ZFHX3: variants seen among roughly 807,000 people sequenced by gnomAD.
The protein encoded by ZFHX3 is zinc finger homeobox protein 3.
Under a neutral mutation model 279.1 loss-of-function variants are expected in ZFHX3, and 42 were observed. That is an observed-to-expected ratio of 0.15 (90% confidence interval 0.12 to 0.19). The LOEUF is 0.19. ZFHX3 is among the 10% of genes least tolerant of loss of function. The probability of loss-of-function intolerance (pLI) is 1.00; values close to 1 mark genes in which losing one functional copy is unlikely to be tolerated. For missense variants in ZFHX3, 4,981 were observed against 4,754.0 expected, an observed-to-expected ratio of 1.05 and a Z score of -1.40; for synonymous variants, 2,293 against 1,957.8, an observed-to-expected ratio of 1.17 and a Z score of -4.52.
At chr16:73,357,486 GAGA>G (rs1387910483) in intron 3 of ZFHX3, among the ~76,000 whole-genome samples, 1 of 152,146 alleles carries the variant, frequency 6.6e-6, no homozygotes, top group Non-Finnish European at 1.5e-5. Flanking sequence ...AGAATTGAGA[GAGA>G]GGACAGAGAC....
chr16:73,464,694 C>G (rs2018533367), intron 2 of ZFHX3, among the ~76,000 whole-genome samples: 1 of 152,246 alleles, frequency 6.6e-6, no homozygotes, highest in East Asian at 1.9e-4. Flanking sequence ...CTGCTTTGAT[C>G]TGAAGAATTA....
At position 72,795,304 on chromosome 16, in the gene ZFHX3, G is replaced by A. The variant is rs1157760345; in HGVS notation, c.7378C>T (p.Pro2460Ser). ...PKPELQQQEQ[P>S]EQKTNTPQQK... ...TGGGGAGTGTTGGTCTTCTGCTCGG[G>A]CTGCTCTTGCTGCTGCAGCTCTGGC... Residue 2460 changes from proline (P) to serine (S), a missense_variant, in exon 9 of 10, where the codon CCC (proline) becomes TCC (serine). By Grantham distance (74) the Pro-to-Ser change is moderately conservative. This residue lies in a region of ZFHX3 where 744 missense variants were observed against 701.3 expected (regional missense o/e 1.06). Transcript: ENST00000268489. 1 of 1,613,950 alleles carries A rather than the reference G, an allele frequency of 6.2e-7. No homozygotes were observed.
At chr16:73,404,573 T>A (rs539332474) in intron 3 of ZFHX3, among the ~76,000 whole-genome samples, 47 of 152,324 alleles carry the variant, frequency 3.1e-4, no homozygotes, top group Non-Finnish European at 6.0e-4. Context: ...TAATTGCCAT[T>A]ATTGTTGTTG....
chr16:73,462,995 T>C (rs2018498233), intron 2 of ZFHX3, among the ~76,000 whole-genome samples: 1 of 152,206 alleles, frequency 6.6e-6, no homozygotes, highest in Admixed American at 6.5e-5. Flanking sequence ...TTAATGCTTC[T>C]TTATATGTTT....
At chr16:72,901,632 T>C (rs984052787) in intron 3 of ZFHX3, among the ~76,000 whole-genome samples, 1 of 152,184 alleles carries the variant, frequency 6.6e-6, no homozygotes, top group African/African-American at 2.4e-5. Flanking sequence ...TTTCACTTTT[T>C]CTCCTTAAAT....
intron 1 of ZFHX3, among the ~76,000 whole-genome samples, chr16:73,708,832 A>C (rs968903118): frequency 3.3e-5 from 5 of 152,166 alleles, no homozygotes; most frequent in Non-Finnish European, 7.3e-5. Flanking sequence ...GGGGAGAGGA[A>C]ATCTGGGAAA....
chr16:73,396,171 C>G, intron 3 of ZFHX3, among the ~76,000 whole-genome samples: 1 of 152,172 alleles, frequency 6.6e-6, no homozygotes. Flanking sequence ...AGCCTCCCGG[C>G]GGGCATCTTT....
intron 2 of ZFHX3, among the ~76,000 whole-genome samples, chr16:73,510,782 CA>C (rs1313928660): frequency 6.6e-6 from 1 of 152,218 alleles, no homozygotes; most frequent in Non-Finnish European, 1.5e-5. Context: ...GGAAGAAACT[CA>C]GTGTTCCATG....
At chr16:73,238,343 T>G (rs1597236047) in intron 5 of ZFHX3, among the ~76,000 whole-genome samples, 1 of 152,168 alleles carries the variant, frequency 6.6e-6, no homozygotes, top group East Asian at 1.9e-4. Context: ...CCAGGATCTC[T>G]GGCTCCCTGC....
chr16:73,763,837 C>T (rs1012865083), intron 1 of ZFHX3, among the ~76,000 whole-genome samples: 4 of 150,904 alleles, frequency 2.7e-5, no homozygotes, highest in Non-Finnish European at 5.9e-5. Flanking sequence ...AAGATTCTCC[C>T]TCTCCCTTGC....
chr16:72,945,579 A>G (rs1960625365), intron 3 of ZFHX3, among the ~76,000 whole-genome samples: 2 of 152,060 alleles, frequency 1.3e-5, no homozygotes, highest in African/African-American at 2.4e-5. Context: ...CTTCTAAATC[A>G]CCTGCAGGAA....
At chr16:72,872,121 G>A (rs995791576) in intron 4 of ZFHX3, among the ~76,000 whole-genome samples, 7 of 151,672 alleles carry the variant, frequency 4.6e-5, no homozygotes, top group African/African-American at 7.3e-5. Flanking sequence ...AAAATTTCAA[G>A]GAATTACAAA....
intron 5 of ZFHX3, among the ~76,000 whole-genome samples, chr16:73,176,904 G>A (rs1401524364): frequency 6.6e-6 from 1 of 152,018 alleles, no homozygotes. Flanking sequence ...AAAGGAAAGT[G>A]CCTTCATCAT....
At chr16:73,056,890 A>AT (rs1313690839) in intron 1 of ZFHX3, among the ~76,000 whole-genome samples, 2 of 152,188 alleles carry the variant, frequency 1.3e-5, no homozygotes, top group Non-Finnish European at 2.9e-5. Context: ...AAAAAAAGTA[A>AT]TTTTTTAAAA....
rs1157252069 is a variant in ZFHX3, at chr16:72,794,213, T to C, written c.8469A>G (p.Leu2823=). ...TGTCCAGCTTAGTTTGGTCAAAGTTTAGATTAACTGAGGACATGGAGGGGC... is the reference window on the plus strand; with the variant it reads ...TGTCCAGCTTAGTTTGGTCAAAGTTCAGATTAACTGAGGACATGGAGGGGC... ...FESPSMSSVN[L]NFDQTKLDND... Residue 2823 remains leucine, a synonymous_variant, in exon 9 of 10, where the codon CTA becomes CTG. Transcript: ENST00000268489. This position sits in a 1 kb window ranked among gnomAD's most constrained non-coding sequence, Gnocchi z 4.2. The C allele has an allele frequency of 6.2e-7, 1 of 1,614,222 alleles. No homozygotes were observed. The highest frequency in any genetic ancestry group is 1.1e-5 in the South Asian group (1 of 91,084).
At chr16:73,140,026 G>A (rs1468968727) in intron 6 of ZFHX3, among the ~76,000 whole-genome samples, 1 of 152,180 alleles carries the variant, frequency 6.6e-6, no homozygotes, top group African/African-American at 2.4e-5. Context: ...CCAGCGCCTT[G>A]GGAGGCCACG....
chr16:73,845,467 G>C (rs118038432), intron 1 of ZFHX3, among the ~76,000 whole-genome samples: 3,853 of 151,970 alleles, frequency 0.025, 168 homozygotes, highest in Admixed American at 0.11. Flanking sequence ...TTTGTGTCCA[G>C]TTATCTAGGT....
At chr16:73,367,456 C>T (rs574452622) in intron 3 of ZFHX3, among the ~76,000 whole-genome samples, 22 of 152,234 alleles carry the variant, frequency 1.4e-4, no homozygotes, top group African/African-American at 5.3e-4. Flanking sequence ...GTACCTTTGA[C>T]TGGGTCATGT....
In ZFHX3 at chr16:73,574,729, C is replaced by T. The variant is rs571005487; in HGVS notation, c.-1547+105451G>A. On this transcript the variant is annotated intron_variant, in intron 2 of 17. Coordinates refer to the ZFHX3 transcript ENST00000641206. ...TGCATCTTAGTCTGAGAGTCAAGGTCCTCGGTCAAGAGCCACCTCCTTGAA... is the reference window on the plus strand; with the variant it reads ...TGCATCTTAGTCTGAGAGTCAAGGTTCTCGGTCAAGAGCCACCTCCTTGAA... 1.2e-4 allele frequency among the ~76,000 whole-genome samples: 18 copies of T among 152,264 alleles called. No individual in the cohort carries two copies. In the South Asian group the frequency reaches 3.5e-3, roughly 30 times the overall value.
Sources: allele counts gnomAD v4.1 joint callset (sites outside exome capture counted in the v4.1 genomes callset), GRCh38; gene constraint gnomAD v4.1.1; regional missense constraint gnomAD v4.1.1; non-coding constraint Gnocchi (gnomAD v3.1); transcripts MANE v1.5; gene names NCBI Gene and HGNC (gene_info 2026-07-23, HGNC 2026-07-21).